LDLRAD3: variants seen among roughly 807,000 people sequenced by gnomAD.
LDLRAD3 encodes low-density lipoprotein receptor class A domain-containing protein 3.
A neutral mutation model predicts 29.4 loss-of-function variants in LDLRAD3; 20 were observed. The ratio of observed to expected loss-of-function variants is 0.68; its 90% CI spans 0.48 to 0.99. LDLRAD3 has a LOEUF of 0.99. LDLRAD3 is among the 50% of genes least tolerant of loss of function. The pLI, the probability that LDLRAD3 is intolerant of heterozygous loss-of-function variation, is 0.00. For missense variants in LDLRAD3, 420 were observed against 454.3 expected, an observed-to-expected ratio of 0.92 and a Z score of 0.69; for synonymous variants, 157 against 192.7, an observed-to-expected ratio of 0.81 and a Z score of 1.53.
intron 3 of LDLRAD3, among the ~76,000 whole-genome samples, chr11:36,082,819 T>A (rs1853135596): frequency 6.6e-6 from 1 of 152,176 alleles, no homozygotes; most frequent in Non-Finnish European, 1.5e-5. Context: ...TCAGTGACCT[T>A]CAAGCCTCTC....
intron 1 of LDLRAD3, among the ~76,000 whole-genome samples, chr11:36,035,243 T>G (rs1308987633): frequency 6.6e-6 from 1 of 151,788 alleles, no homozygotes; most frequent in African/African-American, 2.4e-5. Context: ...CTCTCAGCCA[T>G]TGATCACAAT....
At chr11:36,020,724 G>A (rs181174270) in intron 1 of LDLRAD3, among the ~76,000 whole-genome samples, 8 of 152,290 alleles carry the variant, frequency 5.3e-5, no homozygotes, top group Admixed American at 2.0e-4. Context: ...GGGGACTAGG[G>A]AGAAAACCCC....
intron 1 of LDLRAD3, among the ~76,000 whole-genome samples, chr11:35,963,892 C>T (rs951199116): frequency 2.0e-5 from 3 of 152,186 alleles, no homozygotes; most frequent in Non-Finnish European, 4.4e-5. Context: ...AAAACGTGCA[C>T]GTGGGTCTCT....
intron 3 of LDLRAD3, among the ~76,000 whole-genome samples, chr11:36,084,276 A>G (rs912047104): frequency 3.9e-5 from 6 of 152,130 alleles, no homozygotes; most frequent in Non-Finnish European, 8.8e-5. Context: ...AACTATGCCA[A>G]TGAGGATTAA....
intron 4 of LDLRAD3, among the ~76,000 whole-genome samples, chr11:36,149,617 G>A (rs745963793): frequency 6.6e-6 from 1 of 152,186 alleles, no homozygotes; most frequent in Non-Finnish European, 1.5e-5. Context: ...TGTCAGAGCT[G>A]TGAGTCTGCT....
At chr11:36,147,648 C>T (rs1360634582) in intron 4 of LDLRAD3, among the ~76,000 whole-genome samples, 1 of 152,180 alleles carries the variant, frequency 6.6e-6, no homozygotes, top group Non-Finnish European at 1.5e-5. Flanking sequence ...ATTAACAATT[C>T]CTAAAACAAT....
chr11:36,183,671 A>T (rs1854800223), intron 4 of LDLRAD3, among the ~76,000 whole-genome samples: 1 of 152,220 alleles, frequency 6.6e-6, no homozygotes. Flanking sequence ...GTGGTATTAG[A>T]GCCCCAGAAT....
intron 2 of LDLRAD3, among the ~76,000 whole-genome samples, chr11:36,073,876 G>A (rs1315607214): frequency 1.3e-5 from 2 of 152,222 alleles, no homozygotes; most frequent in Non-Finnish European, 2.9e-5. Flanking sequence ...GGTCCTTAGA[G>A]AAATCTAAGG....
At position 35,944,240 on chromosome 11, in the gene LDLRAD3, G is replaced by T. The variant is rs898359312; in HGVS notation, c.46+96G>T. The T allele has an allele frequency of 4.3e-5, 33 of 760,038 alleles. No homozygotes were observed. Among genetic ancestry groups the T allele is most frequent in the Non-Finnish European group, 5.3e-5 (33 of 623,304 alleles). The allele number at this position is 760,038 out of a possible 1,614,324, so 47.1% of individuals were successfully genotyped here. On this transcript the variant is annotated intron_variant, in intron 1 of 5. Coordinates refer to ENST00000315571, the MANE Select transcript of LDLRAD3 (RefSeq NM_174902.4). This position sits in a 1 kb window ranked among gnomAD's most constrained non-coding sequence, Gnocchi z 4.9. ...TGCGATCGCGTCCTCTCCCGGGCGC[G>T]GGCCGCTCTCCGGGCGTGGGTGAGC...
At position 36,231,251 on chromosome 11, in the gene LDLRAD3, G is replaced by T. The variant is rs1855572058; in HGVS notation, c.*1854G>T. 6.6e-6 allele frequency: 1 copy of T among 151,468 alleles called. No homozygotes were observed. The allele number at this position is 151,468 out of a possible 1,614,324, so 9.4% of individuals were successfully genotyped here. A position where few individuals can be genotyped will look rare whatever the true frequency, so the allele number is the denominator to read the frequency against. The stretch of plus-strand genomic sequence containing the variant: ...TTTCTTTTTTTAACCAAATCCAAAG[G>T]ATGTTACAGAAAAGCTAGCCACTGG... On this transcript the variant is annotated 3_prime_UTR_variant, in exon 6 of 6. Transcript: ENST00000315571.
chr11:36,205,476 T>C (rs1414998181), intron 4 of LDLRAD3, among the ~76,000 whole-genome samples: 2 of 152,184 alleles, frequency 1.3e-5, no homozygotes, highest in African/African-American at 2.4e-5. Flanking sequence ...ATGGTGGAGA[T>C]GCCACAGATG....
intron 1 of LDLRAD3, among the ~76,000 whole-genome samples, chr11:35,956,549 A>G (rs1590681589): frequency 2.0e-5 from 3 of 152,182 alleles, no homozygotes; most frequent in South Asian, 4.1e-4. Context: ...GGTGATTAAG[A>G]ATACAGGCTT....
chr11:35,957,524 C>T (rs934455866), intron 1 of LDLRAD3, among the ~76,000 whole-genome samples: 44 of 152,060 alleles, frequency 2.9e-4, no homozygotes, highest in African/African-American at 1.0e-3. Flanking sequence ...GAGCTGGGTG[C>T]GGTGGCTCAT....
intron 1 of LDLRAD3, among the ~76,000 whole-genome samples, chr11:35,953,078 T>C (rs1247633461): frequency 1.3e-5 from 2 of 152,190 alleles, no homozygotes; most frequent in Non-Finnish European, 2.9e-5. Flanking sequence ...ATTTTAAACT[T>C]ACTCCCAAGG....
intron 1 of LDLRAD3, among the ~76,000 whole-genome samples, chr11:36,015,210 C>T (rs543263397): frequency 2.0e-5 from 3 of 152,188 alleles, no homozygotes; most frequent in South Asian, 2.1e-4. Context: ...GGGTGTGGCT[C>T]GTGCCATTTT....
intron 1 of LDLRAD3, among the ~76,000 whole-genome samples, chr11:35,982,686 C>T (rs1449517584): frequency 6.6e-6 from 1 of 152,034 alleles, no homozygotes; most frequent in Admixed American, 6.6e-5. Context: ...TGTCATCCCC[C>T]TTCCTCTCTT....
At position 35,967,680 on chromosome 11, in the gene LDLRAD3, G is replaced by C. The variant is rs553348551; in HGVS notation, c.46+23536G>C. On this transcript the variant is annotated intron_variant, in intron 1 of 5. Transcript: ENST00000315571. ...TTGTGACAAAGGAAGGTTTTACAAG[G>C]TTTCATGTCCGGGTGCACCATGCCA... The C allele has an allele frequency of 3.4e-5, 16 of 470,712 alleles. No homozygotes were observed. The Admixed American group carries it at 3.8e-4, about 11-fold the overall frequency. The allele number at this position is 470,712 out of a possible 1,614,324, so 29.2% of individuals were successfully genotyped here.
At chr11:36,127,328 C>A (rs41387649) in intron 4 of LDLRAD3, among the ~76,000 whole-genome samples, 3,397 of 152,212 alleles carry the variant, frequency 0.022, 121 homozygotes, top group African/African-American at 0.078. Flanking sequence ...GAAAGTTACA[C>A]AATAAAACAG....
intron 1 of LDLRAD3, among the ~76,000 whole-genome samples, chr11:35,973,133 T>C (rs116621306): frequency 0.016 from 2,294 of 146,592 alleles, 62 homozygotes; most frequent in African/African-American, 0.054. Flanking sequence ...GTCTCCTCCC[T>C]GGAGGCACCT....
Sources: allele counts gnomAD v4.1 joint callset (sites outside exome capture counted in the v4.1 genomes callset), GRCh38; gene constraint gnomAD v4.1.1; non-coding constraint Gnocchi (gnomAD v3.1); transcripts MANE v1.5; gene names NCBI Gene and HGNC (gene_info 2026-07-23, HGNC 2026-07-21).